MAP2K6: variants seen among roughly 807,000 people sequenced by gnomAD.
The protein encoded by MAP2K6 is mitogen-activated protein kinase kinase 6, also known as dual specificity mitogen-activated protein kinase kinase 6.
MAP2K6 carries 16 observed loss-of-function variants against 53.7 expected under a neutral mutation model. The ratio of observed to expected loss-of-function variants is 0.30; its 90% CI spans 0.20 to 0.45. The LOEUF (loss-of-function observed/expected upper bound fraction) is 0.45. Among genes scored for constraint, MAP2K6 ranks in the 20% least tolerant of loss-of-function variants. The pLI is 1.00. For missense variants in MAP2K6, 204 were observed against 411.9 expected (o/e 0.50, Z 4.37); for synonymous variants, 132 against 143.1 (o/e 0.92, Z 0.55).
At chr17:69,432,320 A>G (rs1053962796) in intron 1 of MAP2K6, among the ~76,000 whole-genome samples, 1 of 152,260 alleles carries the variant, frequency 6.6e-6, no homozygotes, top group African/African-American at 2.4e-5. Context: ...CCAAAGGAAT[A>G]TAAATCACTC....
chr17:69,441,870 T>C (rs1356793961), intron 1 of MAP2K6, among the ~76,000 whole-genome samples: 1 of 152,144 alleles, frequency 6.6e-6, no homozygotes, highest in Non-Finnish European at 1.5e-5. Flanking sequence ...GGACTCCCTG[T>C]TACTGATAGG....
chr17:69,538,072 G>A (rs1361551593), intron 11 of MAP2K6, among the ~76,000 whole-genome samples: 1 of 151,572 alleles, frequency 6.6e-6, no homozygotes, highest in Non-Finnish European at 1.5e-5. Context: ...GTCTCATTAT[G>A]TTGCCCAGGC....
chr17:69,499,605 C>G (rs980025839), intron 1 of MAP2K6, among the ~76,000 whole-genome samples: 1 of 152,040 alleles, frequency 6.6e-6, no homozygotes, highest in Non-Finnish European at 1.5e-5. Flanking sequence ...TACAAATGTT[C>G]AAAACAGTTG....
chr17:69,474,099 G>T lies in MAP2K6; in HGVS notation c.17-31681G>T, dbSNP rs925244571. Among the ~76,000 whole-genome samples, 12 of 152,254 alleles carry T rather than the reference G, an allele frequency of 7.9e-5. 1 individual carries two copies. Among genetic ancestry groups the T allele is most frequent in the South Asian group, 6.2e-4 (3 of 4,838 alleles). ...ATGGCTATTGCTTAAGGCGGCCAGA[G>T]TGATGTTAATGTGAAGAGCTGGCTC... On this transcript the variant is annotated intron_variant, in intron 1 of 11. Coordinates refer to ENST00000590474, the MANE Select transcript of MAP2K6 (RefSeq NM_002758.4).
intron 2 of MAP2K6, among the ~76,000 whole-genome samples, chr17:69,515,706 G>A (rs550390315): frequency 6.6e-6 from 1 of 152,312 alleles, no homozygotes; most frequent in Non-Finnish European, 1.5e-5. Flanking sequence ...AAATATTGCT[G>A]GGCTTGATAA....
intron 1 of MAP2K6, among the ~76,000 whole-genome samples, chr17:69,489,725 C>T (rs1008828136): frequency 1.3e-5 from 2 of 152,158 alleles, no homozygotes; most frequent in Non-Finnish European, 2.9e-5. Context: ...TGTAGATTAG[C>T]GTTCTCTTTT....
At chr17:69,513,095 G>A (rs1297115290) in intron 2 of MAP2K6, among the ~76,000 whole-genome samples, 2 of 152,090 alleles carry the variant, frequency 1.3e-5, no homozygotes, top group African/African-American at 2.4e-5. Context: ...CTGCAGAATC[G>A]CAATGCCCCT....
intron 1 of MAP2K6, among the ~76,000 whole-genome samples, chr17:69,456,469 A>G (rs535525206): frequency 6.6e-6 from 1 of 152,308 alleles, no homozygotes; most frequent in Admixed American, 6.5e-5. Flanking sequence ...ACCCTTCTCC[A>G]TTGTAATTAT....
intron 1 of MAP2K6, among the ~76,000 whole-genome samples, chr17:69,453,964 A>C (rs1375173408): frequency 1.3e-5 from 2 of 152,266 alleles, no homozygotes; most frequent in Non-Finnish European, 2.9e-5. Context: ...AAAGTCCTGA[A>C]CATTTGCTTT....
intron 1 of MAP2K6, among the ~76,000 whole-genome samples, chr17:69,503,989 T>A (rs143609165): frequency 6.6e-6 from 1 of 152,264 alleles, no homozygotes; most frequent in Non-Finnish European, 1.5e-5. Context: ...ACCTGCCCCC[T>A]CTCCAGTCAT....
rs891191561 is a variant in MAP2K6, at chr17:69,552,843, T to C, written c.*11090T>C. On this transcript the variant is annotated 3_prime_UTR_variant, in exon 12 of 12. Transcript: ENST00000590474. ...GCTAGCTTTCCTGTCACCCAGGTTG[T>C]GTGCATTTTTTTTTTCATTTGAACT... The C allele has an allele frequency of 1.3e-5, 2 of 152,152 alleles. No homozygotes were observed. Among genetic ancestry groups the C allele is most frequent in the Non-Finnish European group, 2.9e-5 (2 of 68,024 alleles). The allele number at this position is 152,152 out of a possible 1,614,324, so 9.4% of individuals were successfully genotyped here. A position where few individuals can be genotyped will look rare whatever the true frequency, so the allele number is the denominator to read the frequency against.
At chr17:69,503,278 CTGTT>C (rs1056022874) in intron 1 of MAP2K6, among the ~76,000 whole-genome samples, 1 of 152,202 alleles carries the variant, frequency 6.6e-6, no homozygotes, top group Non-Finnish European at 1.5e-5. Flanking sequence ...CATTCCCTGT[CTGTT>C]TGGCTGAGGT....
rs533796257 is a variant in MAP2K6, at chr17:69,507,936, C to T, written c.83+2090C>T. Among the ~76,000 whole-genome samples, 7 of 151,268 alleles carry T rather than the reference C, an allele frequency of 4.6e-5. No individual in the cohort carries two copies. In the East Asian group the frequency reaches 9.7e-4, roughly 21 times the overall value. ...GAGTAATTGTACCATTTTATGTTCT[C>T]AGCAATAATGTCCGAATAATCTAGT... On this transcript the variant is annotated intron_variant, in intron 2 of 11. Coordinates refer to ENST00000590474, the MANE Select transcript of MAP2K6 (RefSeq NM_002758.4).
chr17:69,495,249 T>A (rs111249904), intron 1 of MAP2K6, among the ~76,000 whole-genome samples: 3,860 of 152,156 alleles, frequency 0.025, 173 homozygotes, highest in African/African-American at 0.086. Flanking sequence ...TTATTTATTT[T>A]TTTTTTGAGC....
chr17:69,467,521 A>G (rs1217598277), intron 1 of MAP2K6, among the ~76,000 whole-genome samples: 1 of 152,074 alleles, frequency 6.6e-6, no homozygotes, highest in Non-Finnish European at 1.5e-5. Context: ...TTGTGTATTG[A>G]TTGGGTTTTC....
intron 1 of MAP2K6, among the ~76,000 whole-genome samples, chr17:69,450,522 GC>G (rs1368798616): frequency 6.6e-6 from 1 of 152,138 alleles, no homozygotes; most frequent in African/African-American, 2.4e-5. Context: ...TTGGGATGAA[GC>G]CTTAGAGGTC....
chr17:69,460,026 TCTCCCTTC>T (rs1222068499), intron 1 of MAP2K6, among the ~76,000 whole-genome samples: 1 of 138,386 alleles, frequency 7.2e-6, no homozygotes, highest in Non-Finnish European at 1.6e-5. Flanking sequence ...ACCCTCCTTC[TCTCCCTTC>T]CTCCCTTCAT....
intron 2 of MAP2K6, among the ~76,000 whole-genome samples, chr17:69,511,790 T>C (rs1909834534): frequency 6.6e-6 from 1 of 152,208 alleles, no homozygotes; most frequent in South Asian, 2.1e-4. Context: ...AATACCTAAC[T>C]GCGCTAAGCC....
chr17:69,532,930 G>T (rs1339160431), intron 10 of MAP2K6, among the ~76,000 whole-genome samples: 2 of 152,000 alleles, frequency 1.3e-5, no homozygotes, highest in African/African-American at 2.4e-5. Flanking sequence ...AAAATCTGGA[G>T]ATTTTTTTTT....
Sources: gnomAD v4.1 joint callset for allele counts (sites outside exome capture counted in the v4.1 genomes callset) on GRCh38, gnomAD v4.1.1 for gene constraint, MANE v1.5 for transcripts, NCBI Gene and HGNC (gene_info 2026-07-23, HGNC 2026-07-21) for gene names.